MYO1H: variants seen among roughly 807,000 people sequenced by gnomAD.
MYO1H encodes myosin IH.
A neutral mutation model predicts 149.3 loss-of-function variants in MYO1H; 118 were observed. The ratio of observed to expected loss-of-function variants is 0.79; its 90% CI spans 0.68 to 0.92. The LOEUF (loss-of-function observed/expected upper bound fraction) is 0.92. MYO1H is among the 40% of genes least tolerant of loss of function. The pLI is 0.00. For missense variants in MYO1H, 1,212 were observed against 1,280.7 expected (o/e 0.95, Z 0.82); for synonymous variants, 447 against 465.2 (o/e 0.96, Z 0.50).
At chr12:109,439,443 C>T (rs1028111315) in intron 23 of MYO1H, 188 bp from the exon 24 acceptor site, 1 of 497,788 alleles carries the variant, frequency 2.0e-6, no homozygotes. Context: ...TAAAGCTCCT[C>T]AAAACAAAAC....
intron 1 of MYO1H, 64 bp downstream of exon 1, chr12:109,348,036 C>A: frequency 2.5e-6 from 1 of 399,016 alleles, no homozygotes; most frequent in Non-Finnish European, 4.4e-6. Flanking sequence ...CAAGAACTTT[C>A]CAAATGGCTA....
chr12:109,401,078 T>G lies in MYO1H; in HGVS notation c.571-15T>G. The G allele has an allele frequency of 6.2e-7, 1 of 1,608,744 alleles. No homozygotes were observed. Among genetic ancestry groups the G allele is most frequent in the Non-Finnish European group, 8.5e-7 (1 of 1,175,740 alleles). On this transcript the variant is annotated splice_polypyrimidine_tract_variant and intron_variant, in intron 5 of 31. Transcript: ENST00000310903. ...TGATTGTTGTCACTGCTGCAATTTT[T>G]GTTCTGTTTTGAAGGGCATTCCCGT...
upstream of MYO1H, among the ~76,000 whole-genome samples, chr12:109,346,052 T>C (rs1386192389): frequency 6.6e-6 from 1 of 152,216 alleles, no homozygotes; most frequent in African/African-American, 2.4e-5. Flanking sequence ...GAATCTATAA[T>C]AGTCCCTCCA....
At chr12:109,340,958 G>A in the MYO1H span, among the ~76,000 whole-genome samples, 1 of 152,048 alleles carries the variant, frequency 6.6e-6, no homozygotes, top group Admixed American at 6.5e-5. Flanking sequence ...AGGCTGAGGT[G>A]GGCAGATCAC....
At chr12:109,369,675 T>C (rs1868941745) in intron 1 of MYO1H, among the ~76,000 whole-genome samples, 1 of 152,262 alleles carries the variant, frequency 6.6e-6, no homozygotes. Context: ...TCTGTCTTTC[T>C]ATCTCTGGGA....
At chr12:109,433,306 G>A (rs1279060117) in intron 20 of MYO1H, among the ~76,000 whole-genome samples, 7 of 152,196 alleles carry the variant, frequency 4.6e-5, no homozygotes, top group African/African-American at 9.7e-5. Context: ...CCTAACGTCC[G>A]TGTGCCTGGA....
Position 109,375,408 on chromosome 12 carries a change from C to T in MYO1H, c.13-13275C>T, listed in dbSNP as rs542922042. On this transcript the variant is annotated intron_variant, in intron 1 of 31. Coordinates refer to ENST00000310903, the Ensembl canonical transcript of MYO1H. ...CCTCAAGCGATCTGCCCACCTCGGC[C>T]TCCCAAAATGTTAAGATTACAGGTG... Among the ~76,000 whole-genome samples, 9 of 152,272 alleles carry T rather than the reference C, an allele frequency of 5.9e-5. No individual in the cohort carries two copies. In the South Asian group the frequency reaches 1.9e-3, roughly 32 times the overall value.
chr12:109,445,876 CAG>C (rs1284892927), intron 31 of MYO1H: 2 of 985,226 alleles, frequency 2.0e-6, no homozygotes, highest in Non-Finnish European at 2.4e-6. Context: ...TCCCAAATAG[CAG>C]AGTCTAACTT....
chr12:109,375,617 A>G (rs1378158034), intron 1 of MYO1H, among the ~76,000 whole-genome samples: 3 of 152,198 alleles, frequency 2.0e-5, no homozygotes, highest in Non-Finnish European at 4.4e-5. Context: ...AATAAAATGT[A>G]TTGATTTTAA....
intron 1 of MYO1H, among the ~76,000 whole-genome samples, chr12:109,379,405 T>A (rs1869153477): frequency 1.3e-5 from 2 of 152,234 alleles, no homozygotes; most frequent in South Asian, 4.1e-4. Flanking sequence ...GTTAGTTGAT[T>A]GTGGTGTTTG....
chr12:109,372,599 T>A (rs78838847), intron 1 of MYO1H, among the ~76,000 whole-genome samples: 9,000 of 152,130 alleles, frequency 0.059, 875 homozygotes, highest in African/African-American at 0.21. Flanking sequence ...ATGTTCAAGG[T>A]TATGTTATTG....
At position 109,349,854 on chromosome 12, in the gene MYO1H, G is replaced by A. The variant is rs564501380; in HGVS notation, c.12+1882G>A. ...GGGGTGCCTATAGTCCCAGCTACTC[G>A]GGAGGCTGAGGCAGGAGAATGGCGT... On this transcript the variant is annotated intron_variant, in intron 1 of 31. Transcript: ENST00000310903. Among the ~76,000 whole-genome samples, 6 of 151,112 alleles carry A rather than the reference G, an allele frequency of 4.0e-5. No homozygotes were observed. The South Asian group carries it at 6.3e-4, about 16-fold the overall frequency.
upstream of MYO1H, among the ~76,000 whole-genome samples, chr12:109,343,320 G>A (rs966236071): frequency 1.5e-4 from 23 of 152,274 alleles, no homozygotes; most frequent in African/African-American, 5.5e-4. Context: ...CTTCTGTGTA[G>A]AATGCAATTT....
chr12:109,431,992 ATTTTTTTTTTT>A (rs554701536), intron 19 of MYO1H, among the ~76,000 whole-genome samples: 1 of 85,746 alleles, frequency 1.2e-5, no homozygotes, highest in African/African-American at 5.3e-5. Flanking sequence ...TAAAAAAAAA[ATTTTTTTTTTT>A]TTTTTTTTTT....
intron 14 of MYO1H, among the ~76,000 whole-genome samples, chr12:109,414,211 C>A (rs896709934): frequency 1.3e-5 from 2 of 152,076 alleles, no homozygotes; most frequent in African/African-American, 4.8e-5. Flanking sequence ...CACAGTGGCT[C>A]ACACCTGTAA....
chr12:109,447,297 A>G (rs1430933377), exon 32 of MYO1H: 1 of 915,888 alleles, frequency 1.1e-6, no homozygotes, highest in Non-Finnish European at 1.8e-6. Context: ...GGCCCGCAGC[A>G]CTAACAGATC....
chr12:109,383,553 G>A (rs1402126858), intron 1 of MYO1H, among the ~76,000 whole-genome samples: 1 of 152,224 alleles, frequency 6.6e-6, no homozygotes, highest in Non-Finnish European at 1.5e-5. Context: ...CCATGTGATG[G>A]CTCAGGAATC....
At chr12:109,424,603 T>G in intron 16 of MYO1H, 145 bp from the exon 17 acceptor site, 1 of 598,900 alleles carries the variant, frequency 1.7e-6, no homozygotes. Flanking sequence ...ACTGTGTTGT[T>G]CCCCTTTCTT....
intron 13 of MYO1H, among the ~76,000 whole-genome samples, chr12:109,411,270 A>G (rs1293129718): frequency 2.6e-5 from 4 of 152,198 alleles, no homozygotes; most frequent in Admixed American, 2.6e-4. Flanking sequence ...CACCTGGCTA[A>G]ATTTTAAAAA....
Sources: allele counts gnomAD v4.1 joint callset (sites outside exome capture counted in the v4.1 genomes callset), GRCh38; gene constraint gnomAD v4.1.1; transcripts MANE v1.5; gene names NCBI Gene and HGNC (gene_info 2026-07-23, HGNC 2026-07-21).